Variants in RUFY2 observed in about 807,000 individuals in gnomAD.
The protein encoded by RUFY2 is RUN and FYVE domain-containing protein 2.
Under a neutral mutation model 94.4 loss-of-function variants are expected in RUFY2, and 49 were observed. That is an observed-to-expected ratio of 0.52 (90% CI 0.41 to 0.66). RUFY2 has a LOEUF of 0.66. RUFY2 is among the 30% of genes least tolerant of loss of function. The pLI, the probability that RUFY2 is intolerant of heterozygous loss-of-function variation, is 0.00. For synonymous variants in RUFY2, 255 were observed against 235.7 expected (o/e 1.08, Z -0.75); for missense variants, 541 against 692.8 (o/e 0.78, Z 2.46).
At chr10:68,376,785 CATT>C in intron 13 of RUFY2, 65 bp downstream of exon 13, 2 of 1,437,062 alleles carry the variant, frequency 1.4e-6, no homozygotes, top group Non-Finnish European at 1.9e-6. Flanking sequence ...GGTATTCTAT[CATT>C]ATGTGCAAAA....
chr10:68,359,575 C>CTA (rs34115289), intron 15 of RUFY2, among the ~76,000 whole-genome samples: 14,109 of 141,260 alleles, frequency 0.1, 962 homozygotes, highest in South Asian at 0.22. Flanking sequence ...AGTAGTACTA[C>CTA]TATATATAAA....
chr10:68,394,884 A>C (rs935423761), intron 4 of RUFY2, among the ~76,000 whole-genome samples: 6 of 151,854 alleles, frequency 4.0e-5, no homozygotes, highest in African/African-American at 1.2e-4. Flanking sequence ...GGGCCTCAGC[A>C]TCCCAAAGTG....
chr10:68,379,359 G>A, intron 12 of RUFY2, 65 bp downstream of exon 12: 2 of 1,140,230 alleles, frequency 1.8e-6, no homozygotes, highest in Non-Finnish European at 2.5e-6. Flanking sequence ...GGCAGGTGTA[G>A]GAACTGAATA....
chr10:68,383,712 G>T, intron 10 of RUFY2, 86 bp downstream of exon 10: 1 of 948,288 alleles, frequency 1.1e-6, no homozygotes, highest in Non-Finnish European at 1.7e-6. Context: ...AAAAGGATAA[G>T]GCTGAAAAAG....
chr10:68,356,484 T>C (rs1363508489), intron 15 of RUFY2, among the ~76,000 whole-genome samples: 1 of 151,814 alleles, frequency 6.6e-6, no homozygotes, highest in African/African-American at 2.4e-5. Flanking sequence ...CCAGCCTGGG[T>C]GACAGCGAGA....
chr10:68,378,603 T>A, intron 12 of RUFY2: 1 of 1,612,582 alleles, frequency 6.2e-7, no homozygotes, highest in Non-Finnish European at 8.5e-7. Flanking sequence ...TGGTCCTGCG[T>A]GTCACTGCTG....
At chr10:68,393,366 T>C (rs1456819801) in intron 6 of RUFY2, among the ~76,000 whole-genome samples, 163 bp from the exon 7 acceptor site, 1 of 152,232 alleles carries the variant, frequency 6.6e-6, no homozygotes, top group East Asian at 1.9e-4. Context: ...TAAGTATCTA[T>C]AACCTTTGTT....
intron 2 of RUFY2, among the ~76,000 whole-genome samples, chr10:68,402,939 A>G (rs1300808237): frequency 7.2e-6 from 1 of 138,452 alleles, no homozygotes; most frequent in African/African-American, 2.7e-5. Flanking sequence ...TCTGCCTCCC[A>G]GGTTCAAACA....
At chr10:68,372,569 G>A (rs1462249164) in intron 13 of RUFY2, among the ~76,000 whole-genome samples, 2 of 132,240 alleles carry the variant, frequency 1.5e-5, no homozygotes, top group Non-Finnish European at 3.1e-5. Flanking sequence ...GACAGAGTGA[G>A]ACCCCTCTCT....
rs1322673313 is a variant in RUFY2, at chr10:68,401,697, G to A, written c.219C>T (p.Gly73=). The change falls in exon 3 of 18, where the codon GGC becomes GGT. Residue 73 remains glycine (G), a synonymous_variant. Transcript: ENST00000602465. ...ACAGCTTCTCCACCAGTTCCAAAGG[G>A]CCCCAGATGGTTTTGTTGTAACTCA... ...SFLSYNKTIW[G]PLELVEKLYP... 1.2e-6 allele frequency: 2 copies of A among 1,613,602 alleles called. No homozygotes were observed. Among genetic ancestry groups the A allele is most frequent in the East Asian group, 4.5e-5 (2 of 44,882 alleles).
At chr10:68,373,270 T>C (rs761202465) in intron 13 of RUFY2, among the ~76,000 whole-genome samples, 1 of 152,170 alleles carries the variant, frequency 6.6e-6, no homozygotes, top group Non-Finnish European at 1.5e-5. Flanking sequence ...TCAAAATTGC[T>C]ACAGATAAAT....
chr10:68,355,834 A>G (rs1263996748), intron 15 of RUFY2: 2 of 152,880 alleles, frequency 1.3e-5, no homozygotes, highest in Non-Finnish European at 2.9e-5. Flanking sequence ...GAATGGCGTG[A>G]ACCCGGGAGG....
chr10:68,377,803 G>A lies in RUFY2; in HGVS notation c.1206-831C>T, dbSNP rs971583995. On this transcript the variant is annotated intron_variant, in intron 12 of 17. Transcript: ENST00000602465. ...ATTCAAAGGATATTAACTCCTTGCA[G>A]GAAATCACAAGAGAAATTTCGGTTC... The A allele has an allele frequency of 6.1e-6, 6 of 985,056 alleles. No homozygotes were observed. The African/African-American group carries it at 1.0e-4, about 17-fold the overall frequency. 61.0% of individuals were successfully genotyped at this position (985,056 alleles called of 1,614,324 possible). A position where few individuals can be genotyped will look rare whatever the true frequency, so the allele number is the denominator to read the frequency against.
chr10:68,377,860 T>C, intron 12 of RUFY2: 1 of 985,414 alleles, frequency 1.0e-6, no homozygotes, highest in Non-Finnish European at 1.2e-6. Flanking sequence ...TCTTCCTTTC[T>C]TCCTTAAAAC....
chr10:68,349,524 A>AT (rs1243804351), intron 16 of RUFY2, among the ~76,000 whole-genome samples: 2 of 151,156 alleles, frequency 1.3e-5, no homozygotes, highest in Non-Finnish European at 3.0e-5. Flanking sequence ...CTCTAAAAAA[A>AT]TTTTTTTTTA....
chr10:68,399,004 A>G (rs1281028815), intron 3 of RUFY2, among the ~76,000 whole-genome samples: 2 of 152,008 alleles, frequency 1.3e-5, no homozygotes, highest in Non-Finnish European at 2.9e-5. Flanking sequence ...TACCAAAAAT[A>G]TCAATTGTGA....
intron 13 of RUFY2, among the ~76,000 whole-genome samples, chr10:68,373,641 G>A (rs980367900): frequency 7.9e-5 from 12 of 151,972 alleles, no homozygotes; most frequent in Admixed American, 2.0e-4. Flanking sequence ...GTGTAGTGGC[G>A]TATGCCTGTA....
At chr10:68,364,721 C>G (rs2047681455) in intron 13 of RUFY2, among the ~76,000 whole-genome samples, 1 of 150,598 alleles carries the variant, frequency 6.6e-6, no homozygotes, top group African/African-American at 2.5e-5. Context: ...CTGCATTGTT[C>G]TTCTTTTTTT....
chr10:68,399,325 G>A (rs111374930), intron 3 of RUFY2, among the ~76,000 whole-genome samples: 5,528 of 152,132 alleles, frequency 0.036, 311 homozygotes, highest in African/African-American at 0.13. Context: ...GATTATAGGC[G>A]TGAGCCACCA....
Sources: allele counts gnomAD v4.1 joint callset (sites outside exome capture counted in the v4.1 genomes callset), GRCh38; gene constraint gnomAD v4.1.1; transcripts MANE v1.5; gene names NCBI Gene and HGNC (gene_info 2026-07-23, HGNC 2026-07-21).